ITGA11: variants seen among roughly 807,000 people sequenced by gnomAD.
The protein encoded by ITGA11 is integrin subunit alpha 11.
In ITGA11, 97 loss-of-function variants were observed where a neutral mutation model predicts 141.9. The ratio of observed to expected loss-of-function variants is 0.68; its 90% CI spans 0.58 to 0.81. The LOEUF (loss-of-function observed/expected upper bound fraction) is 0.81. Among genes scored for constraint, ITGA11 ranks in the 30% least tolerant of loss-of-function variants. The pLI is 0.00. For missense variants in ITGA11, 1,387 were observed against 1,559.2 expected, an observed-to-expected ratio of 0.89 and a Z score of 1.86; for synonymous variants, 658 against 624.6, an observed-to-expected ratio of 1.05 and a Z score of -0.80.
chr15:68,388,448 C>G (rs1199142149), intron 2 of ITGA11, among the ~76,000 whole-genome samples: 1 of 152,128 alleles, frequency 6.6e-6, no homozygotes, highest in Non-Finnish European at 1.5e-5. Flanking sequence ...AACCACTGTT[C>G]CCAAGCCCAC....
rs1389382692 is a variant in ITGA11, at chr15:68,358,352, T to C, written c.600+106A>G. ...GCCCTACTACCTCTGCCCTCTTACCTACACCTCCTTCGTGCATGCAAAGAT... is the reference window on the plus strand; with the variant it reads ...GCCCTACTACCTCTGCCCTCTTACCCACACCTCCTTCGTGCATGCAAAGAT... On this transcript the variant is annotated intron_variant, in intron 6 of 29. Coordinates refer to ENST00000315757, the MANE Select transcript of ITGA11 (RefSeq NM_001004439.2). 8 of 1,310,312 alleles carry C rather than the reference T, an allele frequency of 6.1e-6. No individual in the cohort carries two copies. In the Admixed American group the frequency reaches 1.9e-4, roughly 31 times the overall value. The allele number at this position is 1,310,312 out of a possible 1,614,324, so 81.2% of individuals were successfully genotyped here.
At chr15:68,352,805 C>G (rs537294642) in intron 7 of ITGA11, among the ~76,000 whole-genome samples, 1 of 150,990 alleles carries the variant, frequency 6.6e-6, no homozygotes, top group East Asian at 1.9e-4. Flanking sequence ...GCTGGCACCT[C>G]GACCGTCAAT....
At chr15:68,364,663 ACCCCTG>A (rs752382288) in intron 4 of ITGA11, 38 bp downstream of exon 4, 11 of 672,062 alleles carry the variant, frequency 1.6e-5, no homozygotes, top group South Asian at 1.2e-4. Flanking sequence ...CCCCACCCCC[ACCCCTG>A]CCTCTCCTGA....
chr15:68,424,399 A>G (rs1897089753), intron 1 of ITGA11, among the ~76,000 whole-genome samples: 1 of 151,680 alleles, frequency 6.6e-6, no homozygotes, highest in Non-Finnish European at 1.5e-5. Flanking sequence ...TTTTTGCTTG[A>G]CTGGGGCTGG....
chr15:68,415,096 C>T (rs147492411), intron 1 of ITGA11, among the ~76,000 whole-genome samples: 2,065 of 152,282 alleles, frequency 0.014, 49 homozygotes, highest in African/African-American at 0.047. Flanking sequence ...CAAATGACTA[C>T]CCCTGGGTGG....
intron 22 of ITGA11, 45 bp downstream of exon 22, chr15:68,315,606 C>A (rs1273448358): frequency 6.5e-7 from 1 of 1,534,014 alleles, no homozygotes; most frequent in East Asian, 2.3e-5. Flanking sequence ...GAGCTGGGCC[C>A]CGGAATAGCA....
chr15:68,417,868 GTTC>G (rs1254645052), intron 1 of ITGA11, among the ~76,000 whole-genome samples: 1 of 152,174 alleles, frequency 6.6e-6, no homozygotes, highest in Non-Finnish European at 1.5e-5. Flanking sequence ...TGGAGAATCT[GTTC>G]TTCTCCCTCA....
At chr15:68,357,629 G>A (rs780126758) in intron 6 of ITGA11, among the ~76,000 whole-genome samples, 22 of 152,364 alleles carry the variant, frequency 1.4e-4, no homozygotes, top group Non-Finnish European at 2.2e-4. Flanking sequence ...ATTATGAATA[G>A]TGTGGGTGGA....
intron 5 of ITGA11, among the ~76,000 whole-genome samples, chr15:68,360,310 T>C (rs1895199402): frequency 6.6e-6 from 1 of 152,258 alleles, no homozygotes; most frequent in Non-Finnish European, 1.5e-5. Context: ...AGGTTATTTT[T>C]ATTTTTATTT....
At chr15:68,345,794 C>T (rs1567138045) in intron 10 of ITGA11, among the ~76,000 whole-genome samples, 1 of 152,176 alleles carries the variant, frequency 6.6e-6, no homozygotes, top group Non-Finnish European at 1.5e-5. Context: ...AGAGGCCTAA[C>T]TGACCCTGAG....
rs1052904293 is a variant in ITGA11, at chr15:68,325,532, C to T, written c.2212-291G>A. On this transcript the variant is annotated intron_variant, in intron 17 of 29. Transcript: ENST00000315757. This position sits in a 1 kb window ranked among gnomAD's most constrained non-coding sequence, Gnocchi z 5.5. ...CCAGACTCCCATTGCCCGGGTACCT[C>T]GGCCTCTGGGAAGCCTGGCAGTGCC... Among the ~76,000 whole-genome samples, 5 of 152,226 alleles carry T rather than the reference C, an allele frequency of 3.3e-5. No homozygotes were observed. In the South Asian group the frequency reaches 8.3e-4, roughly 25 times the overall value.
At chr15:68,341,937 C>T (rs553219097) in intron 10 of ITGA11, among the ~76,000 whole-genome samples, 1 of 152,334 alleles carries the variant, frequency 6.6e-6, no homozygotes, top group South Asian at 2.1e-4. Flanking sequence ...CCCACCTCAT[C>T]CCATTTTAAC....
intron 19 of ITGA11, among the ~76,000 whole-genome samples, chr15:68,320,944 T>C (rs1287369193): frequency 6.6e-6 from 1 of 152,186 alleles, no homozygotes. Context: ...TTTTCCCTTG[T>C]ATGTTCGTTT....
intron 2 of ITGA11, among the ~76,000 whole-genome samples, chr15:68,400,214 GAAAAAGAAAAC>G (rs1347026457): frequency 2.0e-5 from 3 of 151,902 alleles, no homozygotes; most frequent in African/African-American, 7.3e-5. Flanking sequence ...ATCCATATGA[GAAAAAGAAAAC>G]AAAAACCTCT....
In ITGA11 at chr15:68,335,913, A is replaced by C. The variant is rs1231574357; in HGVS notation, c.1277-68T>G. The C allele has an allele frequency of 6.5e-6, 10 of 1,547,630 alleles. No individual in the cohort carries two copies. The highest frequency in any genetic ancestry group is 1.9e-5 in the Admixed American group (1 of 52,690). On this transcript the variant is annotated intron_variant, in intron 11 of 29. Transcript: ENST00000315757. This position sits in a 1 kb window ranked among gnomAD's most constrained non-coding sequence, Gnocchi z 4.9. ...CAGCAGGCGTTGCTTGGCCCGGTGC[A>C]TGGCTTGGCAGTGCCAGAGGATGGG...
chr15:68,384,630 C>T (rs1895940207), intron 2 of ITGA11, among the ~76,000 whole-genome samples: 1 of 152,236 alleles, frequency 6.6e-6, no homozygotes, highest in Non-Finnish European at 1.5e-5. Context: ...TTTCCTCTCT[C>T]CCTCTCTATC....
At chr15:68,359,783 T>C (rs1895185585) in intron 5 of ITGA11, among the ~76,000 whole-genome samples, 1 of 152,172 alleles carries the variant, frequency 6.6e-6, no homozygotes, top group African/African-American at 2.4e-5. Flanking sequence ...TCTAAGTAAT[T>C]TATTTCTGTT....
intron 1 of ITGA11, among the ~76,000 whole-genome samples, chr15:68,421,182 AGC>A: frequency 4.4e-4 from 4 of 9,070 alleles, no homozygotes; most frequent in East Asian, 2.6e-3. Context: ...TGCTTGGAGG[AGC>A]TTCCTCAGGT....
intron 20 of ITGA11, 84 bp from the exon 21 acceptor site, chr15:68,317,447 C>T (rs1893626615): frequency 5.3e-6 from 5 of 938,304 alleles, no homozygotes; most frequent in East Asian, 2.4e-5. Context: ...CCAGCCTGCA[C>T]CCCACTCTGC....
Sources: gnomAD v4.1 joint callset for allele counts (sites outside exome capture counted in the v4.1 genomes callset) on GRCh38, gnomAD v4.1.1 for gene constraint, Gnocchi (gnomAD v3.1) non-coding constraint, MANE v1.5 for transcripts, NCBI Gene and HGNC (gene_info 2026-07-23, HGNC 2026-07-21) for gene names.